TAB3: variants seen among roughly 807,000 people sequenced by gnomAD.
TAB3 encodes TGF-beta-activated kinase 1 and MAP3K7-binding protein 3.
In TAB3, 18 loss-of-function variants were observed where a neutral mutation model predicts 48.1. That is an observed-to-expected ratio of 0.37 (90% CI 0.26 to 0.55). The LOEUF (loss-of-function observed/expected upper bound fraction) is 0.55. Ranked by LOEUF, TAB3 falls within the 20% of genes least tolerant of loss-of-function variation. The pLI, the probability that TAB3 is intolerant of heterozygous loss-of-function variation, is 0.78. For synonymous variants in TAB3, 185 were observed against 190.2 expected, an observed-to-expected ratio of 0.97 and a Z score of 0.22; for missense variants, 414 against 549.8, an observed-to-expected ratio of 0.75 and a Z score of 2.47.
intron 9 of TAB3, 40 bp downstream of exon 9, chrX:30,842,926 C>A: frequency 4.6e-6 from 4 of 867,431 alleles, no homozygotes; most frequent in Non-Finnish European, 6.5e-6. Context: ...ATTATTTTGA[C>A]ATTTATTTCT....
chrX:30,836,919 G>T (rs1373682335), intron 9 of TAB3: 1 of 110,903 alleles, frequency 9.0e-6, no homozygotes, highest in Non-Finnish European at 1.9e-5. Context: ...GATATTAATG[G>T]GACCACATCA....
chrX:30,836,590 C>T, intron 9 of TAB3: 1 of 112,099 alleles, frequency 8.9e-6, no homozygotes, highest in South Asian at 3.7e-4. Context: ...TGCCTGTAAT[C>T]GCAGCACTTT....
chrX:30,874,697 A>G (rs1269998813), intron 1 of TAB3, among the ~76,000 whole-genome samples: 1 of 112,046 alleles, frequency 8.9e-6, no homozygotes, highest in Non-Finnish European at 1.9e-5. Flanking sequence ...CACTAGAAGT[A>G]TAGGAGCATT....
chrX:30,883,861 TAA>T (rs36118419), intron 1 of TAB3, among the ~76,000 whole-genome samples: 1 of 110,940 alleles, frequency 9.0e-6, no homozygotes. Context: ...TGGTGCTGCT[TAA>T]AAAAAAGTCT....
At position 30,873,520 on chromosome X, in the gene TAB3, G is replaced by A. The variant is rs1225305782; in HGVS notation, c.-382-1719C>T. Among the ~76,000 whole-genome samples the A allele has an allele frequency of 4.3e-5, 4 of 93,706 alleles. No homozygotes were observed. The Admixed American group carries it at 4.6e-4, about 11-fold the overall frequency. The allele number at this position is 93,706 out of a possible 115,157, so 81.4% of individuals were successfully genotyped here. A position where few individuals can be genotyped will look rare whatever the true frequency, so the allele number is the denominator to read the frequency against. On this transcript the variant is annotated intron_variant, in intron 1 of 10. Transcript: ENST00000288422. ...CGCCTGGGCGACAGAACGAGACTCCGTCTCAAAAAAAAAAAAAAAAAAAGT... is the reference window on the plus strand; with the variant it reads ...CGCCTGGGCGACAGAACGAGACTCCATCTCAAAAAAAAAAAAAAAAAAAGT...
rs1938287794 is a variant in TAB3, at chrX:30,837,870, C to T, written c.1889-3718G>A. Among the ~76,000 whole-genome samples, 3 of 112,458 alleles carry T rather than the reference C, an allele frequency of 2.7e-5. No individual in the cohort carries two copies. The South Asian group carries it at 1.1e-3, about 41-fold the overall frequency. Reference sequence around the variant, plus strand: ...TGATGTGAGGTAGGTAGAGATCAGACTGTGTGTTTCTTCCACATGGATATC... The same window carrying T: ...TGATGTGAGGTAGGTAGAGATCAGATTGTGTGTTTCTTCCACATGGATATC... On this transcript the variant is annotated intron_variant, in intron 9 of 10. Coordinates refer to ENST00000288422, the MANE Select transcript of TAB3 (RefSeq NM_152787.5).
At chrX:30,875,407 A>G (rs952937885) in intron 1 of TAB3, among the ~76,000 whole-genome samples, 3 of 111,483 alleles carry the variant, frequency 2.7e-5, no homozygotes, top group Non-Finnish European at 5.6e-5. Flanking sequence ...GTAAAGCACA[A>G]TGTTCATTGA....
chrX:30,874,717 G>T (rs1042447662), intron 1 of TAB3, among the ~76,000 whole-genome samples: 3 of 111,967 alleles, frequency 2.7e-5, no homozygotes, highest in African/African-American at 9.7e-5. Flanking sequence ...TGACTCTATT[G>T]CTGGAAAAGA....
chrX:30,838,373 C>G (rs964790082), intron 9 of TAB3, among the ~76,000 whole-genome samples: 7 of 111,767 alleles, frequency 6.3e-5, no homozygotes, highest in African/African-American at 6.5e-5. Flanking sequence ...AGGCTAGTCT[C>G]GAACTCCTGA....
chrX:30,874,249 G>A (rs965216014), intron 1 of TAB3, among the ~76,000 whole-genome samples: 1 of 111,907 alleles, frequency 8.9e-6, no homozygotes, highest in Non-Finnish European at 1.9e-5. Context: ...TCCTAACTTC[G>A]GCTTTGTTCA....
At chrX:30,845,442 T>C (rs1370076887) in intron 8 of TAB3, 1 of 112,180 alleles carries the variant, frequency 8.9e-6, no homozygotes, top group Non-Finnish European at 1.9e-5. Flanking sequence ...GCAAACCTTT[T>C]CTGTCAAGGG....
intron 10 of TAB3, among the ~76,000 whole-genome samples, chrX:30,833,183 G>A (rs992820783): frequency 9.2e-6 from 1 of 108,393 alleles, no homozygotes; most frequent in Non-Finnish European, 1.9e-5. Context: ...TGTTAGCCAG[G>A]ATGGTTCGAT....
intron 1 of TAB3, among the ~76,000 whole-genome samples, chrX:30,875,467 G>C (rs1939800307): frequency 9.4e-6 from 1 of 105,990 alleles, no homozygotes; most frequent in Non-Finnish European, 1.9e-5. Flanking sequence ...AATCTCAGCA[G>C]AACTGCCTTT....
chrX:30,838,373 C>T (rs964790082), intron 9 of TAB3, among the ~76,000 whole-genome samples: 4 of 111,767 alleles, frequency 3.6e-5, no homozygotes, highest in African/African-American at 9.8e-5. Context: ...AGGCTAGTCT[C>T]GAACTCCTGA....
intron 1 of TAB3, among the ~76,000 whole-genome samples, chrX:30,876,042 A>G (rs1362330744): frequency 1.8e-5 from 2 of 112,178 alleles, no homozygotes; most frequent in African/African-American, 3.2e-5. Flanking sequence ...GACAAAAGGG[A>G]AAATCCTCTT....
chrX:30,854,470 G>C lies in TAB3; in HGVS notation c.1195C>G (p.Leu399Val). ...NQPSPRNQHSLYTATTPPSSS... is the reference protein window; with the variant it reads ...NQPSPRNQHSVYTATTPPSSS... ...GAAGGTGGCGTGGTGGCTGTGTACA[G>C]TGAGTGTTGATTCCGTGGAGATGGT... The change falls in exon 6 of 11, where the codon CTG becomes GTG. Residue 399 changes from leucine (L) to valine (V), a missense_variant. By Grantham distance (32) the Leu-to-Val change is conservative (BLOSUM62 1). Coordinates refer to ENST00000288422, the MANE Select transcript of TAB3 (RefSeq NM_152787.5). The C allele has an allele frequency of 8.3e-7, 1 of 1,211,780 alleles. No individual in the cohort carries two copies. The highest frequency in any genetic ancestry group is 1.1e-6 in the Non-Finnish European group (1 of 895,441).
At chrX:30,852,979 G>C in intron 6 of TAB3, 41 bp from the exon 7 acceptor site, 1 of 1,176,277 alleles carries the variant, frequency 8.5e-7, no homozygotes. Flanking sequence ...GAACAACATT[G>C]AACAAGCGAC....
chrX:30,858,856 C>G (rs1477289750), intron 5 of TAB3, among the ~76,000 whole-genome samples: 2 of 111,382 alleles, frequency 1.8e-5, no homozygotes, highest in Non-Finnish European at 3.8e-5. Context: ...ATGTAAGACA[C>G]ACAGCAAAAC....
At position 30,860,895 on chromosome X, in the gene TAB3, T is replaced by A. The variant is rs763008137; in HGVS notation, c.-90-1217A>T. Among the ~76,000 whole-genome samples, 7 of 111,829 alleles carry A rather than the reference T, an allele frequency of 6.3e-5. No individual in the cohort carries two copies. In the South Asian group the frequency reaches 2.6e-3, roughly 42 times the overall value. ...ATAAGAGAATATTCCTATTTTTCGG[T>A]ATTAGACAATGAAGCATTCAGTGGT... is the stretch of plus-strand genomic sequence containing the variant. On this transcript the variant is annotated intron_variant, in intron 4 of 10. Transcript: ENST00000288422.
Sources: gnomAD v4.1 joint callset for allele counts (sites outside exome capture counted in the v4.1 genomes callset) on GRCh38, gnomAD v4.1.1 for gene constraint, MANE v1.5 for transcripts, NCBI Gene and HGNC (gene_info 2026-07-23, HGNC 2026-07-21) for gene names.